Variants in ZNF267 observed in about 807,000 individuals in gnomAD.
ZNF267 encodes zinc finger (C2H2).
A neutral mutation model predicts 71.6 loss-of-function variants in ZNF267; 61 were observed. The ratio of observed to expected loss-of-function variants is 0.85; its 90% confidence interval spans 0.69 to 1.05. ZNF267 has a LOEUF of 1.05. ZNF267 is among the 50% of genes least tolerant of loss of function. ZNF267 has a pLI of 0.00. For synonymous variants in ZNF267, 288 were observed against 293.2 expected (o/e 0.98, Z 0.18); for missense variants, 852 against 870.0 (o/e 0.98, Z 0.26).
intron 3 of ZNF267, among the ~76,000 whole-genome samples, chr16:31,897,774 C>T (rs2084011070): frequency 6.6e-6 from 1 of 152,012 alleles, no homozygotes; most frequent in African/African-American, 2.4e-5. Flanking sequence ...ATTTGTAGAC[C>T]TGCCAGTTTT....
intron 1 of ZNF267, among the ~76,000 whole-genome samples, chr16:31,878,544 G>C (rs2083867972): frequency 6.6e-6 from 1 of 152,206 alleles, no homozygotes; most frequent in Non-Finnish European, 1.5e-5. Context: ...CCCAGACACT[G>C]AATCCGTAGC....
intron 3 of ZNF267, among the ~76,000 whole-genome samples, chr16:31,892,930 G>A (rs145129956): frequency 1.4e-4 from 22 of 152,304 alleles, no homozygotes; most frequent in African/African-American, 1.9e-4. Flanking sequence ...CTATTCTGGG[G>A]TCTGGAGGAC....
At position 31,917,085 on chromosome 16, in the gene ZNF267, A is replaced by AT. The variant is rs1446773133; in HGVS notation, c.*606dup. ...TTGGAAAGCAAATATTATTTATATA[A>AT]TTCAGCTTTCAAATCTGTTGCTGCT... On this transcript the variant is annotated 3_prime_UTR_variant, in exon 4 of 4. Transcript: ENST00000300870. The AT allele has an allele frequency of 6.6e-6, 1 of 152,290 alleles. No individual in the cohort carries two copies. The highest frequency in any genetic ancestry group is 1.5e-5 in the Non-Finnish European group (1 of 68,132). The allele number at this position is 152,290 out of a possible 1,614,324, so 9.4% of individuals were successfully genotyped here. A position where few individuals can be genotyped will look rare whatever the true frequency, so the allele number is the denominator to read the frequency against.
Position 31,885,087 on chromosome 16 carries a change from C to G in ZNF267, c.131-74C>G, listed in dbSNP as rs546926816. 3.9e-6 allele frequency: 5 copies of G among 1,270,222 alleles called. No homozygotes were observed. The South Asian group carries it at 8.5e-5, about 22-fold the overall frequency. 78.7% of individuals were successfully genotyped at this position (1,270,222 alleles called of 1,614,324 possible). ...TAGAAATTAATCCTGTCCTGTGGGG[C>G]CAAAAAAAAGTATAAAAATAAAAAA... On this transcript the variant is annotated intron_variant, in intron 2 of 3. Coordinates refer to ENST00000300870, the MANE Select transcript of ZNF267 (RefSeq NM_003414.6).
At chr16:31,896,503 A>T (rs1378652843) in intron 3 of ZNF267, among the ~76,000 whole-genome samples, 1 of 152,020 alleles carries the variant, frequency 6.6e-6, no homozygotes, top group African/African-American at 2.4e-5. Flanking sequence ...CTGCATATGG[A>T]TATTCAATTT....
intron 3 of ZNF267, among the ~76,000 whole-genome samples, chr16:31,911,362 G>A (rs1295227228): frequency 6.6e-6 from 1 of 151,522 alleles, no homozygotes; most frequent in African/African-American, 2.4e-5. Flanking sequence ...AGGGTGCATG[G>A]ATATTTAAAA....
rs369232721 is a variant in ZNF267, at chr16:31,916,035, C to T, written c.1786C>T (p.Arg596Ter). 1.0e-5 allele frequency: 16 copies of T among 1,606,858 alleles called. No homozygotes were observed. Among genetic ancestry groups the T allele is most frequent in the Middle Eastern group, 1.7e-4 (1 of 6,044 alleles). The change falls in exon 4 of 4, where the codon CGA (arginine) becomes TGA (stop). Residue 596 changes from arginine to a stop codon, truncating the protein, a stop_gained. Coordinates refer to ENST00000300870, the MANE Select transcript of ZNF267 (RefSeq NM_003414.6). LOFTEE classifies it high-confidence loss of function. Reference protein sequence around the residue: ...SDSSGLTVHRRTHTGEKPYTC... With the variant: ...SDSSGLTVHR ...CTCCTCAGGTCTTACTGTGCATCGG[C>T]GAACTCATACTGGAGAGAAACCCTA...
At chr16:31,894,012 A>G (rs1156827189) in intron 3 of ZNF267, among the ~76,000 whole-genome samples, 2 of 152,244 alleles carry the variant, frequency 1.3e-5, no homozygotes, top group East Asian at 1.9e-4. Flanking sequence ...AGCTAAGTCT[A>G]CAGTGGGATG....
chr16:31,891,245 A>C (rs1486029280), intron 3 of ZNF267, among the ~76,000 whole-genome samples: 1 of 152,144 alleles, frequency 6.6e-6, no homozygotes, highest in Non-Finnish European at 1.5e-5. Flanking sequence ...ACATTTTATT[A>C]CTGTATATGT....
intron 3 of ZNF267, among the ~76,000 whole-genome samples, chr16:31,898,926 G>A (rs1197324103): frequency 6.6e-6 from 1 of 152,152 alleles, no homozygotes; most frequent in South Asian, 2.1e-4. Context: ...ACCAACAAAG[G>A]TCAAAAGAGA....
intron 1 of ZNF267, chr16:31,875,261 A>G: frequency 7.8e-7 from 1 of 1,289,196 alleles, no homozygotes; most frequent in Non-Finnish European, 1.0e-6. Flanking sequence ...GTGTTTAGTG[A>G]CTGTCAGCCC....
intron 3 of ZNF267, among the ~76,000 whole-genome samples, chr16:31,901,408 G>A (rs1477206274): frequency 6.6e-6 from 1 of 152,180 alleles, no homozygotes; most frequent in African/African-American, 2.4e-5. Flanking sequence ...CTAGTTTACA[G>A]TCCCACCAAC....
chr16:31,893,266 G>A (rs1596620041), intron 3 of ZNF267, among the ~76,000 whole-genome samples: 2 of 152,316 alleles, frequency 1.3e-5, no homozygotes, highest in African/African-American at 4.8e-5. Context: ...GGGATGCAGG[G>A]CACCAAGTCC....
In ZNF267 at chr16:31,915,867, A is replaced by C; in HGVS notation, c.1618A>C (p.Arg540=). ...TCFSNLIVHE[R]IHTGEKPYKC... is the part of the protein sequence containing the mutation. ...TTTCTCAAATCTTATTGTGCATGAG[A>C]GAATTCATACTGGAGAGAAACCCTA... is the stretch of plus-strand genomic sequence containing the variant. The change falls in exon 4 of 4, where the codon AGA becomes CGA. Residue 540 remains arginine, a synonymous_variant. Transcript: ENST00000300870. The C allele has an allele frequency of 1.2e-6, 2 of 1,613,750 alleles. No homozygotes were observed. Among genetic ancestry groups the C allele is most frequent in the Non-Finnish European group, 1.7e-6 (2 of 1,180,006 alleles).
intron 3 of ZNF267, among the ~76,000 whole-genome samples, chr16:31,887,182 G>A (rs2083929848): frequency 6.7e-6 from 1 of 149,476 alleles, no homozygotes; most frequent in African/African-American, 2.5e-5. Flanking sequence ...TTATAAACTT[G>A]TTTGCCACTT....
At chr16:31,881,178 A>G (rs562097441) in intron 1 of ZNF267, among the ~76,000 whole-genome samples, 2 of 152,356 alleles carry the variant, frequency 1.3e-5, no homozygotes, top group African/African-American at 4.8e-5. Flanking sequence ...GTTGCATGTT[A>G]CAAAATAGGA....
intron 3 of ZNF267, among the ~76,000 whole-genome samples, chr16:31,889,559 A>T (rs1379597008): frequency 6.6e-6 from 1 of 152,176 alleles, no homozygotes; most frequent in African/African-American, 2.4e-5. Context: ...GTATTAGTCT[A>T]TTCTATAAAG....
At position 31,873,846 on chromosome 16, in the gene ZNF267, T is replaced by C. The variant is rs764347899; in HGVS notation, c.-121T>C. 2.4e-5 allele frequency: 34 copies of C among 1,405,852 alleles called. No homozygotes were observed. The highest frequency in any genetic ancestry group is 3.3e-5 in the Non-Finnish European group (33 of 996,910). The allele number at this position is 1,405,852 out of a possible 1,614,324, so 87.1% of individuals were successfully genotyped here. A position where few individuals can be genotyped will look rare whatever the true frequency, so the allele number is the denominator to read the frequency against. On this transcript the variant is annotated 5_prime_UTR_variant, in exon 1 of 4. Transcript: ENST00000300870. The stretch of plus-strand genomic sequence containing the variant: ...TCTCCTCGCCACAGCTCCGAGTCTT[T>C]CGTTCTGGGAGGCCCAGGCGGCTTC...
chr16:31,880,635 C>T (rs967889969), intron 1 of ZNF267, among the ~76,000 whole-genome samples: 5 of 152,304 alleles, frequency 3.3e-5, no homozygotes, highest in Admixed American at 6.5e-5. Flanking sequence ...ATATCCTGTG[C>T]AGGCAGGGGA....
Sources: gnomAD v4.1 joint callset for allele counts (sites outside exome capture counted in the v4.1 genomes callset) on GRCh38, gnomAD v4.1.1 for gene constraint, MANE v1.5 for transcripts, NCBI Gene and HGNC (gene_info 2026-07-23, HGNC 2026-07-21) for gene names.